The following TMPRSS15 variants were observed in gnomAD, a reference collection of about 807,000 sequenced individuals.
The protein encoded by TMPRSS15 is transmembrane serine protease 15, also known as enteropeptidase.
Under a neutral mutation model 125.3 loss-of-function variants are expected in TMPRSS15, and 128 were observed. The ratio of observed to expected loss-of-function variants is 1.02; its 90% CI spans 0.89 to 1.18. The LOEUF (loss-of-function observed/expected upper bound fraction) is 1.18. Among genes scored for constraint, TMPRSS15 ranks in the 50% most tolerant of loss-of-function variants. The pLI, the probability that TMPRSS15 is intolerant of heterozygous loss-of-function variation, is 0.00. For missense variants in TMPRSS15, 1,283 were observed against 1,212.7 expected, an observed-to-expected ratio of 1.06 and a Z score of -0.86; for synonymous variants, 446 against 423.2, an observed-to-expected ratio of 1.05 and a Z score of -0.66.
chr21:18,404,159 A>G (rs1312622630), upstream of TMPRSS15, among the ~76,000 whole-genome samples: 1 of 152,236 alleles, frequency 6.6e-6, no homozygotes, highest in Non-Finnish European at 1.5e-5. Context: ...TAACATATAT[A>G]TACTCTCTCT....
At chr21:18,311,590 A>G (rs2075101649) in intron 18 of TMPRSS15, among the ~76,000 whole-genome samples, 2 of 152,144 alleles carry the variant, frequency 1.3e-5, no homozygotes, top group Non-Finnish European at 1.5e-5. Flanking sequence ...GCAGTAAGGG[A>G]TACTGGTGAA....
chr21:18,415,026 TG>T lies in TMPRSS15; in HGVS notation c.11-16698del, dbSNP rs373762077. ...TTCTACCTTCTTGCTAGCCCTTATC[TG>T]TTTTTTTTTGACAGTAGACACCCTA... On this transcript the variant is annotated intron_variant, in intron 1 of 7. Coordinates refer to the TMPRSS15 transcript ENST00000422787. Among the ~76,000 whole-genome samples, 15 of 151,378 alleles carry T rather than the reference TG, an allele frequency of 9.9e-5. No homozygotes were observed. In the East Asian group the frequency reaches 1.9e-3, roughly 20 times the overall value.
At chr21:18,301,180 C>G (rs1049693904) in intron 18 of TMPRSS15, among the ~76,000 whole-genome samples, 2 of 152,138 alleles carry the variant, frequency 1.3e-5, no homozygotes, top group African/African-American at 4.8e-5. Flanking sequence ...ATAGGGCCCT[C>G]AGTTCATACC....
chr21:18,454,443 A>G (rs1325627235), intron 1 of TMPRSS15, among the ~76,000 whole-genome samples: 1 of 152,152 alleles, frequency 6.6e-6, no homozygotes, highest in Non-Finnish European at 1.5e-5. Flanking sequence ...AAGGAGATTC[A>G]TTATGAAATT....
chr21:18,289,741 G>A (rs76010767), intron 21 of TMPRSS15, among the ~76,000 whole-genome samples: 3,509 of 152,218 alleles, frequency 0.023, 80 homozygotes, highest in Non-Finnish European at 0.031. Flanking sequence ...TTTAATAGAT[G>A]TCCGTTCAAT....
chr21:18,311,847 G>T (rs1335573149), intron 18 of TMPRSS15, among the ~76,000 whole-genome samples: 1 of 151,974 alleles, frequency 6.6e-6, no homozygotes, highest in East Asian at 1.9e-4. Context: ...TAAGAGAAAA[G>T]CATATGTTTT....
At chr21:18,469,753 T>C (rs1601474070) in intron 1 of TMPRSS15, among the ~76,000 whole-genome samples, 1 of 152,116 alleles carries the variant, frequency 6.6e-6, no homozygotes, top group East Asian at 1.9e-4. Flanking sequence ...CAAACAAATA[T>C]GCAGTAAGTA....
At chr21:18,482,858 T>C in intron 1 of TMPRSS15, among the ~76,000 whole-genome samples, 1 of 151,808 alleles carries the variant, frequency 6.6e-6, no homozygotes, top group East Asian at 1.9e-4. Flanking sequence ...ACTTTCTCTT[T>C]CTAACTTACT....
At chr21:18,395,173 G>C (rs1489912531) in intron 3 of TMPRSS15, among the ~76,000 whole-genome samples, 3 of 152,194 alleles carry the variant, frequency 2.0e-5, no homozygotes, top group African/African-American at 7.2e-5. Context: ...AAGGCACCCA[G>C]AGGGAGAGTA....
intron 3 of TMPRSS15, among the ~76,000 whole-genome samples, chr21:18,388,568 T>C (rs2049479378): frequency 1.3e-5 from 2 of 152,294 alleles, no homozygotes; most frequent in African/African-American, 2.4e-5. Context: ...GCTTTCTGTA[T>C]GGATTTCACT....
chr21:18,308,752 C>G (rs1231691450), intron 18 of TMPRSS15, among the ~76,000 whole-genome samples: 2 of 152,098 alleles, frequency 1.3e-5, no homozygotes, highest in Non-Finnish European at 2.9e-5. Flanking sequence ...GTCCCCCACC[C>G]ACTGACAGGC....
intron 10 of TMPRSS15, among the ~76,000 whole-genome samples, chr21:18,351,468 C>G (rs865963695): frequency 6.6e-6 from 1 of 152,078 alleles, no homozygotes; most frequent in Non-Finnish European, 1.5e-5. Flanking sequence ...GATGGGATCA[C>G]GGGGGCAATT....
chr21:18,277,371 G>T (rs1322871790), intron 23 of TMPRSS15, among the ~76,000 whole-genome samples: 1 of 152,048 alleles, frequency 6.6e-6, no homozygotes, highest in Non-Finnish European at 1.5e-5. Flanking sequence ...TTTTGTTATT[G>T]GTTAATTTGT....
intron 10 of TMPRSS15, among the ~76,000 whole-genome samples, chr21:18,348,694 T>A (rs1272630001): frequency 6.6e-6 from 1 of 152,168 alleles, no homozygotes; most frequent in East Asian, 1.9e-4. Context: ...ATATGCTAAG[T>A]TAAATGAAGA....
intron 1 of TMPRSS15, among the ~76,000 whole-genome samples, chr21:18,445,206 AT>A (rs71191408): frequency 0.44 from 61,802 of 140,984 alleles, 13,156 homozygotes; most frequent in East Asian, 0.73. Context: ...TATATACCAC[AT>A]TTTTTTTTTT....
At position 18,326,673 on chromosome 21, in the gene TMPRSS15, T is replaced by C. The variant is rs549524349; in HGVS notation, c.1781-101A>G. ...TCCCTCTGCCAGACGTAGGGCTACA[T>C]GTTACATGGCTCGCTCATAGAGCAG... is the stretch of plus-strand genomic sequence containing the variant. On this transcript the variant is annotated intron_variant, in intron 15 of 24. Transcript: ENST00000284885. 1.4e-5 allele frequency: 19 copies of C among 1,378,798 alleles called. No individual in the cohort carries two copies. In the African/African-American group the frequency reaches 2.0e-4, roughly 14 times the overall value. 85.4% of individuals were successfully genotyped at this position (1,378,798 alleles called of 1,614,324 possible).
At chr21:18,439,953 T>G (rs1421564005) in intron 1 of TMPRSS15, among the ~76,000 whole-genome samples, 1 of 152,190 alleles carries the variant, frequency 6.6e-6, no homozygotes, top group South Asian at 2.1e-4. Context: ...GGGAAACTTG[T>G]AAAGGTTGTG....
intron 16 of TMPRSS15, among the ~76,000 whole-genome samples, chr21:18,315,808 C>T (rs77154296): frequency 3.3e-4 from 46 of 138,056 alleles, no homozygotes; most frequent in Admixed American, 5.1e-4. Flanking sequence ...CAAACCTGCA[C>T]GTTGTGCACG....
At position 18,309,199 on chromosome 21, in the gene TMPRSS15, G is replaced by T. The variant is rs549593419; in HGVS notation, c.2165+3746C>A. Among the ~76,000 whole-genome samples the T allele has an allele frequency of 1.4e-3, 212 of 152,238 alleles. 2 individuals are homozygous for T. The highest frequency in any genetic ancestry group is 4.8e-3 in the African/African-American group (201 of 41,548). On this transcript the variant is annotated intron_variant, in intron 18 of 24. Coordinates refer to ENST00000284885, the MANE Select transcript of TMPRSS15 (RefSeq NM_002772.3). Reference sequence around the variant, plus strand: ...TCCACAATGTTGGGAAAACTGGCTAGCCATATGCAGAAAACTGAAACTGGA... The same window carrying T: ...TCCACAATGTTGGGAAAACTGGCTATCCATATGCAGAAAACTGAAACTGGA...
Sources: gnomAD v4.1 joint callset for allele counts (sites outside exome capture counted in the v4.1 genomes callset) on GRCh38, gnomAD v4.1.1 for gene constraint, MANE v1.5 for transcripts, NCBI Gene and HGNC (gene_info 2026-07-23, HGNC 2026-07-21) for gene names.